CNTNAP4: variants seen among roughly 807,000 people sequenced by gnomAD.
CNTNAP4 encodes the protein contactin-associated protein-like 4.
A neutral mutation model predicts 148.4 loss-of-function variants in CNTNAP4; 98 were observed. The ratio of observed to expected loss-of-function variants is 0.66; its 90% CI spans 0.56 to 0.78. The LOEUF (loss-of-function observed/expected upper bound fraction) is 0.78. CNTNAP4 is among the 30% of genes least tolerant of loss of function. The pLI, the probability that CNTNAP4 is intolerant of heterozygous loss-of-function variation, is 0.00. For synonymous variants in CNTNAP4, 730 were observed against 565.1 expected, an observed-to-expected ratio of 1.29 and a Z score of -4.14; for missense variants, 1,935 against 1,565.6, an observed-to-expected ratio of 1.24 and a Z score of -3.98.
At chr16:76,392,196 G>C (rs1314790604) in intron 3 of CNTNAP4, among the ~76,000 whole-genome samples, 1 of 152,146 alleles carries the variant, frequency 6.6e-6, no homozygotes. Flanking sequence ...GTTTCATCTT[G>C]TTAGCCAGGC....
intron 12 of CNTNAP4, among the ~76,000 whole-genome samples, chr16:76,486,640 A>C (rs555328787): frequency 6.6e-6 from 1 of 152,206 alleles, no homozygotes; most frequent in Non-Finnish European, 1.5e-5. Context: ...CTCTGAAGAG[A>C]TTTAAAGGCT....
At chr16:76,522,370 CAA>C in intron 17 of CNTNAP4, 113 bp downstream of exon 17, 1 of 887,634 alleles carries the variant, frequency 1.1e-6, no homozygotes, top group South Asian at 1.7e-5. Context: ...GCAATAATAA[CAA>C]ATCACCATGG....
chr16:76,318,693 TC>T (rs1205104342), intron 2 of CNTNAP4, among the ~76,000 whole-genome samples: 1 of 139,030 alleles, frequency 7.2e-6, no homozygotes, highest in African/African-American at 2.5e-5. Flanking sequence ...ATAATATTTC[TC>T]ATAATGATTT....
At position 76,316,501 on chromosome 16, in the gene CNTNAP4, T is replaced by C. The variant is rs1001047002; in HGVS notation, c.174T>C (p.Phe58=). 1.9e-6 allele frequency: 3 copies of C among 1,613,542 alleles called. No individual in the cohort carries two copies. The highest frequency in any genetic ancestry group is 2.7e-5 in the African/African-American group (2 of 75,044). The change falls in exon 2 of 24, where the codon TTT becomes TTC. Residue 58 remains phenylalanine, a synonymous_variant. Coordinates refer to ENST00000611870, the MANE Select transcript of CNTNAP4 (RefSeq NM_033401.5). ...SELSSSHGPG[F]ARLNRRDGAG... ...TCTCCAGCAGTCATGGTCCTGGATT[T>C]GCAAGGCTGAATAGAAGAGATGGTA...
chr16:76,323,069 A>C (rs1962598100), intron 2 of CNTNAP4, among the ~76,000 whole-genome samples: 1 of 150,432 alleles, frequency 6.6e-6, no homozygotes, highest in Admixed American at 6.6e-5. Context: ...CTGATTTCGA[A>C]CTCCTGACCT....
chr16:76,341,111 C>G (rs9319495), intron 2 of CNTNAP4, among the ~76,000 whole-genome samples: 34,397 of 152,024 alleles, frequency 0.23, 4,433 homozygotes, highest in East Asian at 0.5. Flanking sequence ...AGCCATTATT[C>G]GTTCTTCACC....
chr16:76,344,983 G>C (rs1485485261), intron 2 of CNTNAP4, among the ~76,000 whole-genome samples: 1 of 152,180 alleles, frequency 6.6e-6, no homozygotes. Context: ...TCTGTGCCAA[G>C]GACAGTGACA....
At chr16:76,277,981 C>G (rs1030868742) in intron 1 of CNTNAP4, among the ~76,000 whole-genome samples, 7 of 152,222 alleles carry the variant, frequency 4.6e-5, no homozygotes, top group African/African-American at 1.7e-4. Context: ...GAATCTTACC[C>G]TCTGGTCTTT....
intron 1 of CNTNAP4, among the ~76,000 whole-genome samples, chr16:76,286,174 AGTGTGT>A (rs57003243): frequency 0.025 from 3,330 of 134,948 alleles, 85 homozygotes; most frequent in East Asian, 0.072. Context: ...TAGAATTATC[AGTGTGT>A]GTGTGTGTGT....
chr16:76,304,426 T>C (rs971360674), intron 1 of CNTNAP4, among the ~76,000 whole-genome samples: 6 of 152,042 alleles, frequency 3.9e-5, no homozygotes, highest in African/African-American at 1.4e-4. Flanking sequence ...AGGAAGAATT[T>C]CCCGGTAGGA....
chr16:76,449,730 A>T lies in CNTNAP4; in HGVS notation c.943A>T (p.Ile315Phe), dbSNP rs1218234828. The change falls in exon 7 of 24, where the codon ATT becomes TTT. Residue 315 changes from isoleucine (I) to phenylalanine (F), a missense_variant. Physicochemically the swap from Ile to Phe is conservative, Grantham distance 21. Coordinates refer to ENST00000611870, the MANE Select transcript of CNTNAP4 (RefSeq NM_033401.5). The stretch of plus-strand genomic sequence containing the variant: ...TCTTTCTAAGATCAGCTTTGGAGGG[A>T]TTCCAGCACCTGGAAAATCAGTGTC... The part of the protein sequence containing the change: ...NLDYEISFGG[I>F]PAPGKSVSFP... 1 of 1,590,308 alleles carries T rather than the reference A, an allele frequency of 6.3e-7. No individual in the cohort carries two copies.
At chr16:76,547,705 G>A (rs6564350) in intron 21 of CNTNAP4, among the ~76,000 whole-genome samples, 47,937 of 152,054 alleles carry the variant, frequency 0.32, 7,788 homozygotes, top group African/African-American at 0.4. Context: ...TAGCTTTGGT[G>A]TATTTAGAGG....
chr16:76,328,753 C>G (rs1478168222), intron 2 of CNTNAP4, among the ~76,000 whole-genome samples: 1 of 152,114 alleles, frequency 6.6e-6, no homozygotes, highest in African/African-American at 2.4e-5. Context: ...TCAAGTGATT[C>G]TCCTGCCTCA....
At chr16:76,336,764 G>C (rs1392261829) in intron 2 of CNTNAP4, among the ~76,000 whole-genome samples, 1 of 152,130 alleles carries the variant, frequency 6.6e-6, no homozygotes, top group Non-Finnish European at 1.5e-5. Context: ...TAAACCTCCA[G>C]CTTTTGAGTT....
intron 12 of CNTNAP4, among the ~76,000 whole-genome samples, chr16:76,482,758 G>T (rs1597690905): frequency 6.6e-6 from 1 of 152,204 alleles, no homozygotes; most frequent in South Asian, 2.1e-4. Flanking sequence ...CGCCTGTGCA[G>T]TACAAATGCC....
At chr16:76,297,263 T>C (rs1440437620) in intron 1 of CNTNAP4, among the ~76,000 whole-genome samples, 6 of 152,184 alleles carry the variant, frequency 3.9e-5, no homozygotes, top group Non-Finnish European at 8.8e-5. Context: ...TTAATTTTGC[T>C]TGAAACCAAT....
chr16:76,336,714 A>G (rs1302937270), intron 2 of CNTNAP4, among the ~76,000 whole-genome samples: 1 of 152,210 alleles, frequency 6.6e-6, no homozygotes, highest in African/African-American at 2.4e-5. Context: ...GTGTACAGCA[A>G]CTAGGTGTGG....
At position 76,501,836 on chromosome 16, in the gene CNTNAP4, C is replaced by T. The variant is rs539431957; in HGVS notation, c.2365+3142C>T. ...CTGTAATCCCAGCACTTTGGGAGGC[C>T]GAGGCGGGCGGATCACGAGGTCAGG... On this transcript the variant is annotated intron_variant, in intron 15 of 23. Transcript: ENST00000611870. 1.1e-4 allele frequency among the ~76,000 whole-genome samples: 16 copies of T among 152,204 alleles called. 1 individual carries two copies. The East Asian group carries it at 1.7e-3, about 17-fold the overall frequency.
chr16:76,352,237 A>G (rs1398376903), intron 2 of CNTNAP4, among the ~76,000 whole-genome samples: 3 of 152,222 alleles, frequency 2.0e-5, no homozygotes, highest in Non-Finnish European at 4.4e-5. Flanking sequence ...AAGTCTTTCA[A>G]TTTCTAAAGT....
Sources: gnomAD v4.1 joint callset for allele counts (sites outside exome capture counted in the v4.1 genomes callset) on GRCh38, gnomAD v4.1.1 for gene constraint, MANE v1.5 for transcripts, NCBI Gene and HGNC (gene_info 2026-07-23, HGNC 2026-07-21) for gene names.